The following HIC2 variants were observed in gnomAD, a reference collection of about 807,000 sequenced individuals.
The protein encoded by HIC2 is HIC ZBTB transcriptional repressor 2.
Under a neutral mutation model 39.5 loss-of-function variants are expected in HIC2, and 2 were observed. The ratio of observed to expected loss-of-function variants is 0.05; its 90% confidence interval spans 0.02 to 0.16. The LOEUF (loss-of-function observed/expected upper bound fraction) is 0.16, where lower values mean the gene tolerates loss of function less well. HIC2 is among the 10% of genes least tolerant of loss of function. The pLI, the probability that HIC2 is intolerant of heterozygous loss-of-function variation, is 1.00. For missense variants in HIC2, 713 were observed against 863.5 expected, an observed-to-expected ratio of 0.83 and a Z score of 2.18; for synonymous variants, 399 against 368.8, an observed-to-expected ratio of 1.08 and a Z score of -0.94.
At chr22:21,424,082 C>CT (rs1173217067) in intron 1 of HIC2, among the ~76,000 whole-genome samples, 9 of 17,790 alleles carry the variant, frequency 5.1e-4, no homozygotes, top group Non-Finnish European at 7.1e-4. Flanking sequence ...TTGAGATTCT[C>CT]TGAGTGTGGA....
rs9619247 is a variant in HIC2 at position 21,441,367 on chromosome 22, C to T, written c.-73-1392C>T. On this transcript the variant is annotated intron_variant, in intron 1 of 2. Coordinates refer to ENST00000407464, the MANE Select transcript of HIC2 (RefSeq NM_015094.3). The stretch of plus-strand genomic sequence containing the variant: ...GCTAGCCTTGGGCTTGTAAAGTGCC[C>T]GTCAGGGCCAGGCAGTGGGCACTGA... 1.2e-4 allele frequency among the ~76,000 whole-genome samples: 19 copies of T among 152,336 alleles called. No individual in the cohort carries two copies. The East Asian group carries it at 1.9e-3, about 16-fold the overall frequency.
rs1271936466 is a variant in HIC2, at chr22:21,448,075, C to G, written c.*1332C>G. ...TTTCCCTTTGAGCCTTTGGCCACAT[C>G]CACCTCGAGGGGACCCTGGCACCCC... On this transcript the variant is annotated 3_prime_UTR_variant, in exon 3 of 3. Transcript: ENST00000407464. 6.5e-6 allele frequency: 1 copy of G among 152,694 alleles called. No homozygotes were observed. Among genetic ancestry groups the G allele is most frequent in the Non-Finnish European group, 1.5e-5 (1 of 68,080 alleles). The allele number at this position is 152,694 out of a possible 1,614,324, so 9.5% of individuals were successfully genotyped here.
At position 21,445,465 on chromosome 22, in the gene HIC2, G is replaced by C. The variant is rs765941339; in HGVS notation, c.570G>C (p.Glu190Asp). The change falls in exon 3 of 3, where the codon GAG becomes GAC. Residue 190 changes from glutamate (E) to aspartate (D), a missense_variant. Physicochemically the swap from Glu to Asp is conservative, Grantham distance 45. Transcript: ENST00000407464. ...DGRKGAHAPQ[E>D]LPQAKGSDDE... ...GCAAGGGGGCCCACGCCCCCCAGGA[G>C]CTCCCCCAAGCCAAAGGCTCAGACG... 6.5e-7 allele frequency: 1 copy of C among 1,546,016 alleles called. No homozygotes were observed.
Position 21,447,953 on chromosome 22 carries a change from T to A in HIC2, c.*1210T>A, listed in dbSNP as rs1322760696. On this transcript the variant is annotated 3_prime_UTR_variant, in exon 3 of 3. Transcript: ENST00000407464. The stretch of plus-strand genomic sequence containing the variant: ...TGTTGGTGACTGGCAGTGGAAGCCC[T>A]TGACACTCTTGTTTTCCTTCGCTTA... 1 of 152,804 alleles carries A rather than the reference T, an allele frequency of 6.5e-6. No homozygotes were observed. Among genetic ancestry groups the A allele is most frequent in the East Asian group, 1.9e-4 (1 of 5,340 alleles). 9.5% of individuals were successfully genotyped at this position (152,804 alleles called of 1,614,324 possible). A position where few individuals can be genotyped will look rare whatever the true frequency, so the allele number is the denominator to read the frequency against.
chr22:21,443,110 T>C (rs1923608383), intron 2 of HIC2, among the ~76,000 whole-genome samples: 1 of 152,128 alleles, frequency 6.6e-6, no homozygotes, highest in Non-Finnish European at 1.5e-5. Context: ...TGGGGCCAAG[T>C]GTGGAAGCCA....
Position 21,446,834 on chromosome 22 carries a change from C to A in HIC2, c.*91C>A. 2 of 1,499,506 alleles carry A rather than the reference C, an allele frequency of 1.3e-6. No individual in the cohort carries two copies. Among genetic ancestry groups the A allele is most frequent in the African/African-American group, 2.8e-5 (2 of 71,878 alleles). 92.9% of individuals were successfully genotyped at this position (1,499,506 alleles called of 1,614,324 possible). Reference sequence around the variant, plus strand: ...GGTGATGCAGCAGCAGGGGCAAGACCCTGGGTCCAGTGGAGGCTCCGGGTG... The same window carrying A: ...GGTGATGCAGCAGCAGGGGCAAGACACTGGGTCCAGTGGAGGCTCCGGGTG... On this transcript the variant is annotated 3_prime_UTR_variant, in exon 3 of 3. Transcript: ENST00000407464.
rs1419701596 is a variant in HIC2, at chr22:21,446,959, T to G, written c.*216T>G. The G allele has an allele frequency of 4.6e-6, 3 of 658,832 alleles. No homozygotes were observed. The highest frequency in any genetic ancestry group is 1.8e-5 in the African/African-American group (1 of 54,488). The allele number at this position is 658,832 out of a possible 1,614,324, so 40.8% of individuals were successfully genotyped here. The stretch of plus-strand genomic sequence containing the variant: ...AGCCAGGGGTCCCAGCCCGTCTACC[T>G]CCCCATCCCACCCAGGCCCCCAGCT... On this transcript the variant is annotated 3_prime_UTR_variant, in exon 3 of 3. Coordinates refer to ENST00000407464, the MANE Select transcript of HIC2 (RefSeq NM_015094.3).
intron 2 of HIC2, among the ~76,000 whole-genome samples, chr22:21,443,686 A>G (rs1336463441): frequency 6.6e-6 from 1 of 152,118 alleles, no homozygotes; most frequent in Non-Finnish European, 1.5e-5. Context: ...TCCGGGGCAC[A>G]GGTGGCCACC....
At chr22:21,444,228 G>C (rs146392612) in intron 2 of HIC2, among the ~76,000 whole-genome samples, 1 of 152,360 alleles carries the variant, frequency 6.6e-6, no homozygotes, top group Non-Finnish European at 1.5e-5. Flanking sequence ...CCTTCCTAGA[G>C]AGGACGGAGG....
At position 21,450,240 on chromosome 22, in the gene HIC2, G is replaced by A. The variant is rs1188378645; in HGVS notation, c.*3497G>A. Reference sequence around the variant, plus strand: ...TCCTCCAGGATTGCAAAAAAAAAAGGAAGAGAAAAGATGAACCTTTAAGCA... The same window carrying A: ...TCCTCCAGGATTGCAAAAAAAAAAGAAAGAGAAAAGATGAACCTTTAAGCA... On this transcript the variant is annotated 3_prime_UTR_variant, in exon 3 of 3. Coordinates refer to ENST00000407464, the MANE Select transcript of HIC2 (RefSeq NM_015094.3). 6.6e-6 allele frequency: 1 copy of A among 151,744 alleles called. No homozygotes were observed. Among genetic ancestry groups the A allele is most frequent in the East Asian group, 1.9e-4 (1 of 5,310 alleles). The allele number at this position is 151,744 out of a possible 1,614,324, so 9.4% of individuals were successfully genotyped here.
Position 21,450,974 on chromosome 22 carries a change from G to A in HIC2, c.*4231G>A, listed in dbSNP as rs1002068018. Reference sequence around the variant, plus strand: ...ATAACAGACCTCACTGGGGCAGGGAGGATCCCCAGGGCTCCCACCCTCCAC... The same window carrying A: ...ATAACAGACCTCACTGGGGCAGGGAAGATCCCCAGGGCTCCCACCCTCCAC... On this transcript the variant is annotated 3_prime_UTR_variant, in exon 3 of 3. Transcript: ENST00000407464. The A allele has an allele frequency of 6.5e-6, 1 of 152,800 alleles. No individual in the cohort carries two copies. Among genetic ancestry groups the A allele is most frequent in the African/African-American group, 2.4e-5 (1 of 41,450 alleles). 9.5% of individuals were successfully genotyped at this position (152,800 alleles called of 1,614,324 possible).
chr22:21,445,972 T>C lies in HIC2; in HGVS notation c.1077T>C (p.Gly359=). The change falls in exon 3 of 3, where the codon GGT becomes GGC. Residue 359 remains glycine, a synonymous_variant. Coordinates refer to ENST00000407464, the MANE Select transcript of HIC2 (RefSeq NM_015094.3). ...AGCGGAGAGAAGCAGGGCCCAAGGGTCCCTGCCCGGGAGAGGAGGGTGAGG... is the reference window on the plus strand; with the variant it reads ...AGCGGAGAGAAGCAGGGCCCAAGGGCCCCTGCCCGGGAGAGGAGGGTGAGG... ...PFERREAGPK[G]PCPGEEGEGV... The C allele has an allele frequency of 6.4e-7, 1 of 1,559,064 alleles. No homozygotes were observed. Among genetic ancestry groups the C allele is most frequent in the Non-Finnish European group, 8.7e-7 (1 of 1,155,688 alleles).
rs896405077 is a variant in HIC2, at chr22:21,450,834, C to T, written c.*4091C>T. 12 of 152,676 alleles carry T rather than the reference C, an allele frequency of 7.9e-5. No individual in the cohort carries two copies. Among genetic ancestry groups the T allele is most frequent in the East Asian group, 1.9e-4 (1 of 5,324 alleles). 9.5% of individuals were successfully genotyped at this position (152,676 alleles called of 1,614,324 possible). Reference sequence around the variant, plus strand: ...GTGGGAACTGAGGCTGCCCAGGACCCCCTTCCTAGGATGCCCCGGCTTCAG... The same window carrying T: ...GTGGGAACTGAGGCTGCCCAGGACCTCCTTCCTAGGATGCCCCGGCTTCAG... On this transcript the variant is annotated 3_prime_UTR_variant, in exon 3 of 3. Transcript: ENST00000407464.
At chr22:21,443,693 C>T (rs928455256) in intron 2 of HIC2, among the ~76,000 whole-genome samples, 5 of 152,152 alleles carry the variant, frequency 3.3e-5, no homozygotes, top group African/African-American at 1.2e-4. Context: ...CACAGGTGGC[C>T]ACCTGGACAC....
At position 21,450,614 on chromosome 22, in the gene HIC2, C is replaced by T. The variant is rs41282591; in HGVS notation, c.*3871C>T. ...CGTGGGGGACAAAAGCCAAAGGTGC[C>T]AGGCCTTAGAGCAGACAAGGGCTCT... On this transcript the variant is annotated 3_prime_UTR_variant, in exon 3 of 3. Transcript: ENST00000407464. The T allele has an allele frequency of 0.031, 4,737 of 152,986 alleles. 100 individuals are homozygous for T. Among genetic ancestry groups the T allele is most frequent in the African/African-American group, 0.038 (1,592 of 41,576 alleles). 9.5% of individuals were successfully genotyped at this position (152,986 alleles called of 1,614,324 possible).
chr22:21,448,416 G>C lies in HIC2; in HGVS notation c.*1673G>C, dbSNP rs1923978781. ...TAATTAGCCAGCCTCAGATACTTCT[G>C]TGGGCCCTGAAGTGGGCTCTCAAGG... On this transcript the variant is annotated 3_prime_UTR_variant, in exon 3 of 3. Coordinates refer to ENST00000407464, the MANE Select transcript of HIC2 (RefSeq NM_015094.3). The C allele has an allele frequency of 6.5e-6, 1 of 152,802 alleles. No homozygotes were observed. Among genetic ancestry groups the C allele is most frequent in the African/African-American group, 2.4e-5 (1 of 41,452 alleles). The allele number at this position is 152,802 out of a possible 1,614,324, so 9.5% of individuals were successfully genotyped here. A position where few individuals can be genotyped will look rare whatever the true frequency, so the allele number is the denominator to read the frequency against.
At position 21,446,145 on chromosome 22, in the gene HIC2, G is replaced by A. The variant is rs1210079388; in HGVS notation, c.1250G>A (p.Gly417Asp). The A allele has an allele frequency of 1.2e-6, 2 of 1,608,752 alleles. No individual in the cohort carries two copies. Among genetic ancestry groups the A allele is most frequent in the Non-Finnish European group, 8.5e-7 (1 of 1,179,918 alleles). ...AGTGCGCAGAGCGGGAGCGAGGGGGGCAGCGGCCATGCCAGCGCCCACTAC... is the reference window on the plus strand; with the variant it reads ...AGTGCGCAGAGCGGGAGCGAGGGGGACAGCGGCCATGCCAGCGCCCACTAC... ...EDSAQSGSEGGSGHASAHYMY... is the reference protein window; with the variant it reads ...EDSAQSGSEGDSGHASAHYMY... The change falls in exon 3 of 3, where the codon GGC becomes GAC. Residue 417 changes from glycine to aspartate, a missense_variant. This residue lies in a region of HIC2 where 457 missense variants were observed against 420.2 expected (regional missense o/e 1.09). Coordinates refer to ENST00000407464, the MANE Select transcript of HIC2 (RefSeq NM_015094.3).
chr22:21,421,588 C>A (rs1923073716), intron 1 of HIC2, among the ~76,000 whole-genome samples: 1 of 85,740 alleles, frequency 1.2e-5, no homozygotes, highest in South Asian at 3.4e-4. Context: ...AGTGCAGCCT[C>A]GGTGTTAGAA....
At chr22:21,417,895 C>T (rs1922941832) in intron 1 of HIC2, among the ~76,000 whole-genome samples, 1 of 148,398 alleles carries the variant, frequency 6.7e-6, no homozygotes, top group African/African-American at 2.4e-5. Context: ...TGTGCCTTTT[C>T]ATTAGCAATC....
Sources: gnomAD v4.1 joint callset for allele counts (sites outside exome capture counted in the v4.1 genomes callset) on GRCh38, gnomAD v4.1.1 for gene constraint, gnomAD v4.1.1 regional missense constraint, MANE v1.5 for transcripts, NCBI Gene and HGNC (gene_info 2026-07-23, HGNC 2026-07-21) for gene names.